Variants in CAP2 observed in about 807,000 individuals in gnomAD.
CAP2 encodes cyclase associated actin cytoskeleton regulatory protein 2, also known as adenylyl cyclase-associated protein 2.
CAP2 carries 24 observed loss-of-function variants against 57.7 expected under a neutral mutation model. That is an observed-to-expected ratio of 0.42 (90% confidence interval 0.30 to 0.58). The LOEUF is 0.58. Among genes scored for constraint, CAP2 ranks in the 20% least tolerant of loss-of-function variants. The probability of loss-of-function intolerance (pLI) is 0.22; values close to 1 mark genes in which losing one functional copy is unlikely to be tolerated. For synonymous variants in CAP2, 194 were observed against 207.2 expected, an observed-to-expected ratio of 0.94 and a Z score of 0.55; for missense variants, 501 against 590.3, an observed-to-expected ratio of 0.85 and a Z score of 1.57.
chr6:17,438,301 G>A (rs1297473549), intron 3 of CAP2, among the ~76,000 whole-genome samples: 1 of 151,368 alleles, frequency 6.6e-6, no homozygotes, highest in East Asian at 2.0e-4. Flanking sequence ...AGGAGGTGGA[G>A]GTTGCAGTGG....
chr6:17,409,553 A>T (rs781611776), intron 1 of CAP2, among the ~76,000 whole-genome samples: 3 of 152,138 alleles, frequency 2.0e-5, no homozygotes, highest in Non-Finnish European at 4.4e-5. Flanking sequence ...ATCACTTTGT[A>T]GTTGCAAAGT....
chr6:17,434,277 G>A (rs1167208113), intron 3 of CAP2, among the ~76,000 whole-genome samples: 13 of 144,696 alleles, frequency 9.0e-5, no homozygotes, highest in Middle Eastern at 6.9e-3. Flanking sequence ...TGCCTAGGCT[G>A]GAGTGCAGTG....
At chr6:17,532,252 T>C (rs1044173163) in intron 7 of CAP2, among the ~76,000 whole-genome samples, 2 of 147,996 alleles carry the variant, frequency 1.4e-5, no homozygotes, top group African/African-American at 5.0e-5. Context: ...GTGATTCTCC[T>C]GCCTCAGCCT....
chr6:17,478,297 C>CT (rs58472723), intron 4 of CAP2, among the ~76,000 whole-genome samples: 10,181 of 120,354 alleles, frequency 0.085, 1,636 homozygotes, highest in African/African-American at 0.31. Flanking sequence ...ACTACACCTA[C>CT]TTTTTTTTTT....
intron 7 of CAP2, among the ~76,000 whole-genome samples, chr6:17,524,725 T>C (rs1175730020): frequency 6.6e-6 from 1 of 152,144 alleles, no homozygotes; most frequent in Non-Finnish European, 1.5e-5. Context: ...TCAACTGACA[T>C]GGCCCTGGTG....
At chr6:17,510,198 G>A (rs9297036) in intron 6 of CAP2, among the ~76,000 whole-genome samples, 9,458 of 152,060 alleles carry the variant, frequency 0.062, 351 homozygotes, top group East Asian at 0.13. Context: ...GTTTCTTTTG[G>A]GGGGTGATGA....
At chr6:17,397,596 G>A (rs371179719) in intron 1 of CAP2, among the ~76,000 whole-genome samples, 95 of 151,148 alleles carry the variant, frequency 6.3e-4, no homozygotes, top group African/African-American at 2.1e-3. Context: ...TCGGGAGGCC[G>A]AGGCAGGAGA....
intron 12 of CAP2, among the ~76,000 whole-genome samples, chr6:17,553,812 T>A (rs1763229110): frequency 6.6e-6 from 1 of 152,114 alleles, no homozygotes. Context: ...CAGAGAAGAC[T>A]CGTTAGCATA....
At chr6:17,484,455 A>G (rs1324252554) in intron 4 of CAP2, among the ~76,000 whole-genome samples, 1 of 152,204 alleles carries the variant, frequency 6.6e-6, no homozygotes, top group Non-Finnish European at 1.5e-5. Context: ...GTAATGTGAT[A>G]TGGCTCACAA....
At chr6:17,445,141 C>T (rs1029247572) in intron 3 of CAP2, among the ~76,000 whole-genome samples, 1 of 152,204 alleles carries the variant, frequency 6.6e-6, no homozygotes, top group Non-Finnish European at 1.5e-5. Context: ...GAGCCTTACT[C>T]CGCCACCCAG....
At chr6:17,508,946 C>T (rs537633422) in intron 6 of CAP2, among the ~76,000 whole-genome samples, 15 of 152,018 alleles carry the variant, frequency 9.9e-5, no homozygotes, top group South Asian at 6.2e-4. Flanking sequence ...TTAGTAGAGA[C>T]GGAGTTTCAC....
In CAP2 at chr6:17,542,906, A is replaced by G. The variant is rs769162149; in HGVS notation, c.1072A>G (p.Lys358Glu). 6.2e-7 allele frequency: 1 copy of G among 1,613,676 alleles called. No individual in the cohort carries two copies. Among genetic ancestry groups the G allele is most frequent in the South Asian group, 1.1e-5 (1 of 91,074 alleles). Residue 358 changes from lysine to glutamate, a missense_variant, in exon 10 of 13, where the codon AAA (lysine) becomes GAA (glutamate). Physicochemically the swap from Lys to Glu is moderately conservative, Grantham distance 56. Coordinates refer to ENST00000229922, the MANE Select transcript of CAP2 (RefSeq NM_006366.3). ...TELKQVAYIF[K>E]CEKSTIQIKG... Reference sequence around the variant, plus strand: ...GCTGAAACAAGTGGCTTACATTTTCAAATGCGAAAAATCAACTATTCAGAT... The same window carrying G: ...GCTGAAACAAGTGGCTTACATTTTCGAATGCGAAAAATCAACTATTCAGAT...
intron 5 of CAP2, 21 bp downstream of exon 5, chr6:17,507,333 G>A: frequency 1.2e-6 from 2 of 1,613,068 alleles, no homozygotes; most frequent in Non-Finnish European, 8.5e-7. Context: ...GTGCAATGTT[G>A]CCTCTTCACC....
At chr6:17,483,535 C>T (rs1398832722) in intron 4 of CAP2, among the ~76,000 whole-genome samples, 1 of 152,168 alleles carries the variant, frequency 6.6e-6, no homozygotes, top group Non-Finnish European at 1.5e-5. Context: ...CGTCAAAGGA[C>T]ACAGTTGGAC....
intron 3 of CAP2, among the ~76,000 whole-genome samples, chr6:17,448,377 G>A (rs1760315822): frequency 6.6e-6 from 1 of 152,200 alleles, no homozygotes; most frequent in Non-Finnish European, 1.5e-5. Flanking sequence ...TTGGAGAGGA[G>A]CCAATCTGCC....
chr6:17,432,878 T>A (rs1335889454), intron 3 of CAP2, among the ~76,000 whole-genome samples: 1 of 151,992 alleles, frequency 6.6e-6, no homozygotes, highest in South Asian at 2.1e-4. Flanking sequence ...TCTTCCTCCC[T>A]TCCTTCCGTC....
intron 7 of CAP2, among the ~76,000 whole-genome samples, chr6:17,526,071 C>T (rs1236486838): frequency 6.6e-6 from 1 of 151,252 alleles, no homozygotes; most frequent in African/African-American, 2.4e-5. Context: ...AGCGTTAGTC[C>T]ATTAACTATA....
intron 7 of CAP2, among the ~76,000 whole-genome samples, chr6:17,520,256 C>A (rs183310071): frequency 1.2e-4 from 19 of 152,196 alleles, no homozygotes; most frequent in Middle Eastern, 3.4e-3. Context: ...TACAGGCGTG[C>A]ACCAACATGC....
At chr6:17,437,317 T>C (rs1759920723) in intron 3 of CAP2, among the ~76,000 whole-genome samples, 1 of 151,880 alleles carries the variant, frequency 6.6e-6, no homozygotes, top group Admixed American at 6.6e-5. Flanking sequence ...AGAGAGTGGG[T>C]CTAGAGCAGC....
Sources: allele counts gnomAD v4.1 joint callset (sites outside exome capture counted in the v4.1 genomes callset), GRCh38; gene constraint gnomAD v4.1.1; transcripts MANE v1.5; gene names NCBI Gene and HGNC (gene_info 2026-07-23, HGNC 2026-07-21).